Variants in GLRA1 observed in about 807,000 individuals in gnomAD.
The protein encoded by GLRA1 is glycine receptor alpha 1.
In GLRA1, 37 loss-of-function variants were observed where a neutral mutation model predicts 48.3. The observed-to-expected ratio is 0.77, with a 90% confidence interval of 0.59 to 1.01. GLRA1 has a LOEUF of 1.01. Among genes scored for constraint, GLRA1 ranks in the 50% least tolerant of loss-of-function variants. The pLI, the probability that GLRA1 is intolerant of heterozygous loss-of-function variation, is 0.00. For synonymous variants in GLRA1, 196 were observed against 210.7 expected, an observed-to-expected ratio of 0.93 and a Z score of 0.60; for missense variants, 427 against 571.0, an observed-to-expected ratio of 0.75 and a Z score of 2.57.
chr5:151,824,496 A>C (rs1040810707), intron 8 of GLRA1, among the ~76,000 whole-genome samples: 1 of 152,176 alleles, frequency 6.6e-6, no homozygotes, highest in Non-Finnish European at 1.5e-5. Context: ...TGCCATTTCT[A>C]TCTGGTGTTC....
chr5:151,894,985 G>A (rs890037071), intron 1 of GLRA1, among the ~76,000 whole-genome samples: 2 of 152,180 alleles, frequency 1.3e-5, no homozygotes, highest in African/African-American at 4.8e-5. Context: ...AGGAACAAAT[G>A]CACTTTAGTT....
At chr5:151,834,415 C>A (rs1049717913) in intron 7 of GLRA1, among the ~76,000 whole-genome samples, 3 of 152,154 alleles carry the variant, frequency 2.0e-5, no homozygotes, top group African/African-American at 7.2e-5. Flanking sequence ...TGAATAATTT[C>A]TTTGAAACCA....
In GLRA1 at chr5:151,924,670, G is replaced by GA. The variant is rs1754978071; in HGVS notation, c.-122dup. ...AATCCAGATGTTAAAGGGAGGCGGG[G>GA]AACAGGGGCGCGGAGGGAGAGCCCC... On this transcript the variant is annotated 5_prime_UTR_variant, in exon 1 of 9. Transcript: ENST00000274576. 1.3e-6 allele frequency: 1 copy of GA among 767,928 alleles called. No homozygotes were observed. Among genetic ancestry groups the GA allele is most frequent in the African/African-American group, 1.7e-5 (1 of 58,426 alleles). The allele number at this position is 767,928 out of a possible 1,614,324, so 47.6% of individuals were successfully genotyped here.
At chr5:151,836,310 CACAA>C (rs1407331793) in intron 7 of GLRA1, among the ~76,000 whole-genome samples, 2 of 152,064 alleles carry the variant, frequency 1.3e-5, no homozygotes, top group African/African-American at 4.8e-5. Flanking sequence ...TAAGAGAGGA[CACAA>C]ACAAATGGAA....
chr5:151,850,070 C>T (rs1752860415), intron 7 of GLRA1: 7 of 1,603,900 alleles, frequency 4.4e-6, no homozygotes, highest in South Asian at 1.1e-5. Context: ...CCTGGTTTGG[C>T]ATGGAGCAGG....
At chr5:151,851,723 A>G in intron 6 of GLRA1, 119 bp from the exon 7 acceptor site, 1 of 724,640 alleles carries the variant, frequency 1.4e-6, no homozygotes, top group East Asian at 2.6e-5. Context: ...GTCCTTAGAC[A>G]AGTATTTGAA....
At chr5:151,848,807 C>T in intron 7 of GLRA1, 2 of 434,994 alleles carry the variant, frequency 4.6e-6, no homozygotes, top group Admixed American at 2.6e-5. Context: ...CTCCTCTCCT[C>T]TCCTCTCCTC....
At chr5:151,912,017 A>C (rs1321240585) in intron 1 of GLRA1, among the ~76,000 whole-genome samples, 1 of 152,240 alleles carries the variant, frequency 6.6e-6, no homozygotes, top group Non-Finnish European at 1.5e-5. Context: ...GTCTCATTTT[A>C]GGCATGGAAA....
At chr5:151,902,118 T>C (rs780853229) in intron 1 of GLRA1, among the ~76,000 whole-genome samples, 4 of 152,206 alleles carry the variant, frequency 2.6e-5, no homozygotes, top group Non-Finnish European at 5.9e-5. Context: ...AACAATGTAA[T>C]TGATAATCGT....
intron 3 of GLRA1, among the ~76,000 whole-genome samples, chr5:151,881,712 T>A (rs2964600): frequency 1 from 152,202 of 152,204 alleles, 76,100 homozygotes; most frequent in Non-Finnish European, 1. Flanking sequence ...AAAAGGTCAG[T>A]TAAAGGACAG....
chr5:151,924,356 C>T (rs1398640343), intron 1 of GLRA1, 138 bp downstream of exon 1: 1 of 706,558 alleles, frequency 1.4e-6, no homozygotes, highest in Non-Finnish European at 2.6e-6. Flanking sequence ...AGAAGGGAGA[C>T]GGGGGATGGA....
At chr5:151,893,360 C>CTTTCTTT (rs1754147012) in intron 1 of GLRA1, among the ~76,000 whole-genome samples, 2 of 97,036 alleles carry the variant, frequency 2.1e-5, no homozygotes, top group Non-Finnish European at 4.4e-5. Flanking sequence ...TTCTTTCTTT[C>CTTTCTTT]ATTTTAGTTC....
chr5:151,906,659 C>T (rs1050067178), intron 1 of GLRA1, among the ~76,000 whole-genome samples: 2 of 152,126 alleles, frequency 1.3e-5, no homozygotes, highest in Non-Finnish European at 2.9e-5. Flanking sequence ...TTCCAGACAT[C>T]GAGCTTTGCA....
At chr5:151,855,006 G>T in intron 6 of GLRA1, 34 bp downstream of exon 6, 1 of 1,608,624 alleles carries the variant, frequency 6.2e-7, no homozygotes, top group Non-Finnish European at 8.5e-7. Flanking sequence ...CTGGTTGGGG[G>T]GTGGGATCTG....
chr5:151,913,239 AG>A (rs1239005626), intron 1 of GLRA1, among the ~76,000 whole-genome samples: 2 of 145,010 alleles, frequency 1.4e-5, no homozygotes, highest in East Asian at 3.9e-4. Context: ...AGAAAGATTG[AG>A]CAAACTGCCA....
intron 7 of GLRA1, chr5:151,850,886 A>G: frequency 1.7e-6 from 1 of 600,868 alleles, no homozygotes; most frequent in Non-Finnish European, 3.0e-6. Flanking sequence ...TGCAACTCAA[A>G]GGGTGGAATA....
At position 151,892,823 on chromosome 5, in the gene GLRA1, G is replaced by A. The variant is rs145356925; in HGVS notation, c.57-385C>T. On this transcript the variant is annotated intron_variant, in intron 1 of 8. Coordinates refer to ENST00000274576, the MANE Select transcript of GLRA1 (RefSeq NM_000171.4). ...CTCTCACAGGTCCATGGAGCCACAC[G>A]GACAGAAAGGATGTTAGAGATAAAA... Among the ~76,000 whole-genome samples, 380 of 152,304 alleles carry A rather than the reference G, an allele frequency of 2.5e-3. 2 individuals are homozygous for A. Among genetic ancestry groups the A allele is most frequent in the African/African-American group, 8.5e-3 (355 of 41,558 alleles).
At chr5:151,825,346 G>C (rs1304457647) in intron 8 of GLRA1, among the ~76,000 whole-genome samples, 1 of 152,110 alleles carries the variant, frequency 6.6e-6, no homozygotes, top group Non-Finnish European at 1.5e-5. Context: ...AGTTACGTAG[G>C]GGGAAGCACC....
Position 151,846,443 on chromosome 5 carries a change from A to G in GLRA1, c.912+4947T>C, listed in dbSNP as rs192849407. Among the ~76,000 whole-genome samples the G allele has an allele frequency of 1.5e-4, 23 of 152,368 alleles. No individual in the cohort carries two copies. The East Asian group carries it at 1.9e-3, about 13-fold the overall frequency. On this transcript the variant is annotated intron_variant, in intron 7 of 8. Transcript: ENST00000274576. The stretch of plus-strand genomic sequence containing the variant: ...GTCTGCTGCTACAATTGCACACAGC[A>G]GAATGTGTTGTCAGGTGTTAATAGT...
Sources: gnomAD v4.1 joint callset for allele counts (sites outside exome capture counted in the v4.1 genomes callset) on GRCh38, gnomAD v4.1.1 for gene constraint, MANE v1.5 for transcripts, NCBI Gene and HGNC (gene_info 2026-07-23, HGNC 2026-07-21) for gene names.